Variants in DLK1 observed in about 807,000 individuals in gnomAD.
The protein encoded by DLK1 is protein delta homolog 1.
Under a neutral mutation model 35.2 loss-of-function variants are expected in DLK1, and 9 were observed. The observed-to-expected ratio is 0.26, with a 90% CI of 0.15 to 0.45. The LOEUF (loss-of-function observed/expected upper bound fraction) is 0.45, where lower values mean the gene tolerates loss of function less well. Ranked by LOEUF, DLK1 falls within the 20% of genes least tolerant of loss-of-function variation. The pLI is 1.00. For missense variants in DLK1, 522 were observed against 528.5 expected (o/e 0.99, Z 0.12); for synonymous variants, 231 against 228.4 (o/e 1.01, Z -0.10).
chr14:100,729,854 C>A (rs1318163102), intron 3 of DLK1, among the ~76,000 whole-genome samples: 1 of 152,176 alleles, frequency 6.6e-6, no homozygotes, highest in East Asian at 1.9e-4. Context: ...GCCCTCAGGG[C>A]CCCTGTCCCT....
At position 100,734,491 on chromosome 14, in the gene DLK1, G is replaced by A. The variant is rs778635865; in HGVS notation, c.747G>A (p.Ala249=). 36 of 1,610,968 alleles carry A rather than the reference G, an allele frequency of 2.2e-5. No individual in the cohort carries two copies. The highest frequency in any genetic ancestry group is 1.5e-4 in the South Asian group (14 of 90,990). ...FTGLTCVKKR[A]LSPQQVTRLP... ...GTCTCACCTGTGTCAAGAAGCGCGC[G>A]CTGAGCCCCCAGCAGGTCACCCGTC... Residue 249 remains alanine (A), a synonymous_variant, in exon 5 of 5, where the codon GCG becomes GCA. Coordinates refer to ENST00000341267, the MANE Select transcript of DLK1 (RefSeq NM_003836.7). This position sits in a 1 kb window ranked among gnomAD's most constrained non-coding sequence, Gnocchi z 7.4.
At position 100,727,286 on chromosome 14, in the gene DLK1, A is replaced by C. The variant is rs557209786; in HGVS notation, c.67+151A>C. 21 of 833,444 alleles carry C rather than the reference A, an allele frequency of 2.5e-5. No homozygotes were observed. In the African/African-American group the frequency reaches 3.8e-4, roughly 15 times the overall value. The allele number at this position is 833,444 out of a possible 1,614,324, so 51.6% of individuals were successfully genotyped here. A position where few individuals can be genotyped will look rare whatever the true frequency, so the allele number is the denominator to read the frequency against. On this transcript the variant is annotated intron_variant, in intron 1 of 4. Transcript: ENST00000341267. The stretch of plus-strand genomic sequence containing the variant: ...CCCCGCGCTGTGCCTGTCTCGCCCT[A>C]CCCACCACGCTCGCATGCCAAGGCC...
At position 100,735,015 on chromosome 14, in the gene DLK1, T is replaced by C; in HGVS notation, c.*119T>C. The C allele has an allele frequency of 3.7e-6, 5 of 1,361,672 alleles. No individual in the cohort carries two copies. The highest frequency in any genetic ancestry group is 4.9e-6 in the Non-Finnish European group (5 of 1,016,902). 84.3% of individuals were successfully genotyped at this position (1,361,672 alleles called of 1,614,324 possible). A position where few individuals can be genotyped will look rare whatever the true frequency, so the allele number is the denominator to read the frequency against. Reference sequence around the variant, plus strand: ...GTGTCAAATCTGGTGAACGCTACGCTTACATATATTGTCTTTGTGCTGCTG... The same window carrying C: ...GTGTCAAATCTGGTGAACGCTACGCCTACATATATTGTCTTTGTGCTGCTG... On this transcript the variant is annotated 3_prime_UTR_variant, in exon 5 of 5. Transcript: ENST00000341267.
rs2036474178 is a variant in DLK1 at position 100,728,967 on chromosome 14, G to A, written c.163G>A (p.Asp55Asn). ...GCCTGGCTGGCAGGGTCCCCTTTGTGACCAGTGCGTGACCTCTCCCGGCTG... is the reference window on the plus strand; with the variant it reads ...GCCTGGCTGGCAGGGTCCCCTTTGTAACCAGTGCGTGACCTCTCCCGGCTG... ...CQPGWQGPLC[D>N]QCVTSPGCLH... is the part of the protein sequence containing the mutation. The change falls in exon 3 of 5, where the codon GAC becomes AAC. Residue 55 changes from aspartate to asparagine, a missense_variant. Transcript: ENST00000341267. 1 of 1,613,922 alleles carries A rather than the reference G, an allele frequency of 6.2e-7. No homozygotes were observed. Among genetic ancestry groups the A allele is most frequent in the Non-Finnish European group, 8.5e-7 (1 of 1,180,038 alleles).
intron 1 of DLK1, among the ~76,000 whole-genome samples, chr14:100,728,172 A>G (rs951689159): frequency 1.1e-4 from 17 of 152,134 alleles, no homozygotes; most frequent in Admixed American, 6.5e-5. Context: ...GGGAGAGTGT[A>G]CTGTGGTCAT....
intron 3 of DLK1, among the ~76,000 whole-genome samples, chr14:100,729,837 G>T (rs2036487735): frequency 6.6e-6 from 1 of 152,160 alleles, no homozygotes; most frequent in Non-Finnish European, 1.5e-5. Flanking sequence ...CAGCTGTGTA[G>T]CAGCCTGCCC....
At position 100,734,251 on chromosome 14, in the gene DLK1, C is replaced by G. The variant is rs140697628; in HGVS notation, c.507C>G (p.Ile169Met). ...GCTTCTCAGGCAATTTCTGCGAGAT[C>G]GTGGCCAACAGCTGCACCCCCAACC... ...PPGFSGNFCE[I>M]VANSCTPNPC... Residue 169 changes from isoleucine to methionine, a missense_variant, in exon 5 of 5, where the codon ATC becomes ATG. Ile to Met is a conservative substitution (Grantham distance 10, BLOSUM62 1). Transcript: ENST00000341267. The surrounding 1 kb of genome is among the most constrained non-coding windows in gnomAD (Gnocchi z 7.4). 6.2e-7 allele frequency: 1 copy of G among 1,613,466 alleles called. No homozygotes were observed. The highest frequency in any genetic ancestry group is 1.1e-5 in the South Asian group (1 of 91,084).
In DLK1 at chr14:100,734,631, C is replaced by G. The variant is rs777071409; in HGVS notation, c.887C>G (p.Thr296Ser). Residue 296 changes from threonine to serine, a missense_variant, in exon 5 of 5, where the codon ACC (threonine) becomes AGC (serine). Transcript: ENST00000341267. The surrounding 1 kb of genome is among the most constrained non-coding windows in gnomAD (Gnocchi z 7.4). ...KVSMKELNKKTPLLTEGQAIC... is the reference protein window; with the variant it reads ...KVSMKELNKKSPLLTEGQAIC... ...TCCATGAAAGAGCTCAACAAGAAAA[C>G]CCCTCTCCTCACCGAGGGCCAGGCC... 6.2e-7 allele frequency: 1 copy of G among 1,614,050 alleles called. No individual in the cohort carries two copies. The highest frequency in any genetic ancestry group is 8.5e-7 in the Non-Finnish European group (1 of 1,180,034).
In DLK1 at chr14:100,734,899, A is replaced by T; in HGVS notation, c.*3A>T. ...AGGCCGGCGACGAGGAGATCTAAGC[A>T]GCGTTCCCACAGCCCCCTCTAGATT... On this transcript the variant is annotated 3_prime_UTR_variant, in exon 5 of 5. Coordinates refer to ENST00000341267, the MANE Select transcript of DLK1 (RefSeq NM_003836.7). This position sits in a 1 kb window ranked among gnomAD's most constrained non-coding sequence, Gnocchi z 7.4. 6.4e-7 allele frequency: 1 copy of T among 1,570,866 alleles called. No individual in the cohort carries two copies. Among genetic ancestry groups the T allele is most frequent in the Non-Finnish European group, 8.6e-7 (1 of 1,162,336 alleles).
chr14:100,733,073 G>A (rs2036527878), intron 4 of DLK1, among the ~76,000 whole-genome samples: 1 of 152,200 alleles, frequency 6.6e-6, no homozygotes, highest in Non-Finnish European at 1.5e-5. Context: ...ACATTAACGG[G>A]GCTTCCAAAG....
intron 1 of DLK1, among the ~76,000 whole-genome samples, chr14:100,727,826 G>T (rs2036454630): frequency 6.6e-6 from 1 of 152,168 alleles, no homozygotes; most frequent in African/African-American, 2.4e-5. Flanking sequence ...AAAACCCTGT[G>T]TCGTCATCGT....
At chr14:100,727,613 G>A (rs1022470718) in intron 1 of DLK1, among the ~76,000 whole-genome samples, 1 of 152,152 alleles carries the variant, frequency 6.6e-6, no homozygotes, top group Non-Finnish European at 1.5e-5. Flanking sequence ...GAGGGGCTGC[G>A]ACACTTCTGT....
At chr14:100,733,751 C>T (rs1285787056) in intron 4 of DLK1, among the ~76,000 whole-genome samples, 10 of 152,214 alleles carry the variant, frequency 6.6e-5, no homozygotes, top group Admixed American at 5.9e-4. Flanking sequence ...CTGACTTTTC[C>T]TCTCCTAGCC....
chr14:100,727,162 GC>G, intron 1 of DLK1, 27 bp downstream of exon 1: 1 of 1,539,122 alleles, frequency 6.5e-7, no homozygotes, highest in Non-Finnish European at 8.7e-7. Context: ...CCCGGCTCGC[GC>G]CCCCTCTGGG....
Position 100,727,053 on chromosome 14 carries a change from C to G in DLK1, c.-16C>G, listed in dbSNP as rs12890035. 1 of 1,560,690 alleles carries G rather than the reference C, an allele frequency of 6.4e-7. No individual in the cohort carries two copies. Among genetic ancestry groups the G allele is most frequent in the Non-Finnish European group, 8.7e-7 (1 of 1,156,046 alleles). On this transcript the variant is annotated 5_prime_UTR_variant, in exon 1 of 5. Transcript: ENST00000341267. ...GCCCGCACCGCTCCCGGGACCGCGACCCCGGCCGCCCAGAGATGACCGCGA... is the reference window on the plus strand; with the variant it reads ...GCCCGCACCGCTCCCGGGACCGCGAGCCCGGCCGCCCAGAGATGACCGCGA...
At position 100,737,259 on chromosome 14, in the gene DLK1, T is replaced by A. The variant is rs1304132946; in HGVS notation, c.*2363T>A. 2 of 149,490 alleles carry A rather than the reference T, an allele frequency of 1.3e-5. No individual in the cohort carries two copies. The highest frequency in any genetic ancestry group is 1.5e-5 in the Non-Finnish European group (1 of 67,632). The allele number at this position is 149,490 out of a possible 1,614,324, so 9.3% of individuals were successfully genotyped here. ...CATAAGTCACCATCTCATCTCATTT[T>A]GAGTTTGTTTTAAGAAATAAAAAAA... On this transcript the variant is annotated 3_prime_UTR_variant, in exon 5 of 5. Transcript: ENST00000341267.
intron 2 of DLK1, 167 bp from the exon 3 acceptor site, chr14:100,728,769 C>G (rs921381459): frequency 1.6e-5 from 16 of 988,276 alleles, no homozygotes; most frequent in Admixed American, 1.4e-4. Flanking sequence ...GGCATGTTTT[C>G]TCTTTAAGTT....
chr14:100,727,266 C>A (rs1328629622), intron 1 of DLK1, 131 bp downstream of exon 1: 3 of 968,176 alleles, frequency 3.1e-6, no homozygotes, highest in East Asian at 3.3e-5. Context: ...CTAAGCCCCG[C>A]GCTGTGCCTG....
At chr14:100,733,408 T>C (rs1373174782) in intron 4 of DLK1, among the ~76,000 whole-genome samples, 1 of 152,178 alleles carries the variant, frequency 6.6e-6, no homozygotes, top group Non-Finnish European at 1.5e-5. Flanking sequence ...TACTCCACTT[T>C]GAGCAAACAG....
Sources: allele counts gnomAD v4.1 joint callset (sites outside exome capture counted in the v4.1 genomes callset), GRCh38; gene constraint gnomAD v4.1.1; non-coding constraint Gnocchi (gnomAD v3.1); transcripts MANE v1.5; gene names NCBI Gene and HGNC (gene_info 2026-07-23, HGNC 2026-07-21).